Variants in AHI1 observed in about 807,000 individuals in gnomAD.
AHI1 encodes the protein Abelson helper integration site 1, also known as jouberin.
Under a neutral mutation model 149.3 loss-of-function variants are expected in AHI1, and 123 were observed. The ratio of observed to expected loss-of-function variants is 0.82; its 90% CI spans 0.71 to 0.96. The LOEUF is 0.96. AHI1 is among the 40% of genes least tolerant of loss of function. AHI1 has a pLI of 0.00. For missense variants in AHI1, 1,439 were observed against 1,422.7 expected (o/e 1.01, Z -0.18); for synonymous variants, 475 against 459.8 (o/e 1.03, Z -0.42).
Position 135,394,778 on chromosome 6 carries a change from GTC to G in AHI1, c.3105_3106del (p.Gln1035HisfsTer12), listed in dbSNP as rs1778992944. 1 of 1,610,190 alleles carries G rather than the reference GTC, an allele frequency of 6.2e-7. No individual in the cohort carries two copies. The highest frequency in any genetic ancestry group is 1.1e-5 in the South Asian group (1 of 90,336). ...GTCAAAGTAAGAAAGGGGCTCACCG[GTC>G]TGAGTGAAACCAAACTGATGTAGAA... On this transcript the variant is annotated frameshift_variant, in exon 23 of 29. Coordinates refer to ENST00000265602, the MANE Select transcript of AHI1 (RefSeq NM_001134831.2). LOFTEE classifies it high-confidence loss of function.
In AHI1 at chr6:135,471,957, A is replaced by C. The variant is rs890184968; in HGVS notation, c.136-4323T>G. Among the ~76,000 whole-genome samples the C allele has an allele frequency of 2.3e-5, 3 of 129,160 alleles. No individual in the cohort carries two copies. The Admixed American group carries it at 3.0e-4, about 13-fold the overall frequency. 84.7% of individuals were successfully genotyped at this position (129,160 alleles called of 152,430 possible). A position where few individuals can be genotyped will look rare whatever the true frequency, so the allele number is the denominator to read the frequency against. On this transcript the variant is annotated intron_variant, in intron 5 of 28. Coordinates refer to ENST00000265602, the MANE Select transcript of AHI1 (RefSeq NM_001134831.2). ...AACCTGGGAAGCGGAGCTTGCAGTG[A>C]GCCGAGATTGCGCCACTGCAGTCCG...
intron 24 of AHI1, among the ~76,000 whole-genome samples, chr6:135,325,437 AT>A (rs1414052918): frequency 6.6e-6 from 1 of 152,198 alleles, no homozygotes; most frequent in Non-Finnish European, 1.5e-5. Context: ...TGGTACTATC[AT>A]AGGAGAGGAA....
intron 27 of AHI1, 112 bp from the exon 28 acceptor site, chr6:135,290,637 TG>T (rs1782229538): frequency 1.0e-6 from 1 of 978,300 alleles, no homozygotes; most frequent in Non-Finnish European, 1.6e-6. Context: ...TGGGGATAAA[TG>T]TGAGGATATG....
At chr6:135,465,783 G>A in intron 7 of AHI1, 31 bp downstream of exon 7, 1 of 1,426,420 alleles carries the variant, frequency 7.0e-7, no homozygotes, top group Non-Finnish European at 9.2e-7. Context: ...TTTTCTAAGA[G>A]GATATTTTAC....
In AHI1 at chr6:135,438,421, T is replaced by C. The variant is rs1369272441; in HGVS notation, c.1990A>G (p.Lys664Glu). The C allele has an allele frequency of 4.5e-6, 7 of 1,571,430 alleles. No individual in the cohort carries two copies. The highest frequency in any genetic ancestry group is 1.2e-5 in the South Asian group (1 of 85,138). Residue 664 changes from lysine (K) to glutamate (E), a missense_variant, in exon 15 of 29, where the codon AAA (lysine) becomes GAA (glutamate). Physicochemically the swap from Lys to Glu is moderately conservative, Grantham distance 56. Transcript: ENST00000265602. ...GAAGTAAGGATGTAGTGATCATCTTTTGACCAGGAAAGATCATAAATGATA... is the reference window on the plus strand; with the variant it reads ...GAAGTAAGGATGTAGTGATCATCTTCTGACCAGGAAAGATCATAAATGATA... ...LNIIYDLSWSKDDHYILTSSS... is the reference protein window; with the variant it reads ...LNIIYDLSWSEDDHYILTSSS...
intron 5 of AHI1, among the ~76,000 whole-genome samples, chr6:135,489,389 C>G (rs1263602681): frequency 6.6e-6 from 1 of 152,108 alleles, no homozygotes; most frequent in Admixed American, 6.5e-5. Context: ...GCATTTTGTT[C>G]ATGGCTCACA....
chr6:135,319,000 G>A (rs767101712), intron 25 of AHI1, among the ~76,000 whole-genome samples: 17 of 152,180 alleles, frequency 1.1e-4, no homozygotes, highest in Non-Finnish European at 2.2e-4. Context: ...TCATTAGCAA[G>A]GAGCTTACAG....
At chr6:135,359,176 A>G (rs1793461486) in intron 23 of AHI1, among the ~76,000 whole-genome samples, 1 of 152,232 alleles carries the variant, frequency 6.6e-6, no homozygotes, top group Non-Finnish European at 1.5e-5. Context: ...GAGTATTTTC[A>G]AAATGAATCA....
At chr6:135,361,034 C>T (rs1793781478) in intron 23 of AHI1, among the ~76,000 whole-genome samples, 1 of 152,038 alleles carries the variant, frequency 6.6e-6, no homozygotes, top group Non-Finnish European at 1.5e-5. Flanking sequence ...TCCTCTTTTT[C>T]TATATTCTTT....
chr6:135,297,191 C>T lies in AHI1; in HGVS notation c.3485+3309G>A, dbSNP rs1053500860. On this transcript the variant is annotated intron_variant, in intron 27 of 28. Coordinates refer to ENST00000265602, the MANE Select transcript of AHI1 (RefSeq NM_001134831.2). Reference sequence around the variant, plus strand: ...GCTGGGCAAATACAGCAAGACATGTCTCCTGGCCCCACCTTCCAATCATCA... The same window carrying T: ...GCTGGGCAAATACAGCAAGACATGTTTCCTGGCCCCACCTTCCAATCATCA... Among the ~76,000 whole-genome samples the T allele has an allele frequency of 1.1e-4, 17 of 152,264 alleles. 1 individual carries two copies. The highest frequency in any genetic ancestry group is 6.2e-4 in the South Asian group (3 of 4,820).
chr6:135,293,406 G>GAAAAAAAAAAAAAAAAAA (rs71547029), intron 27 of AHI1, among the ~76,000 whole-genome samples: 28 of 65,544 alleles, frequency 4.3e-4, no homozygotes, highest in Non-Finnish European at 5.1e-4. Flanking sequence ...AAAAAAAAAA[G>GAAAAAAAAAAAAAAAAAA]AAAAAAAAAA....
At chr6:135,494,318 T>C (rs1213734707) in intron 3 of AHI1, among the ~76,000 whole-genome samples, 2 of 152,210 alleles carry the variant, frequency 1.3e-5, no homozygotes, top group African/African-American at 4.8e-5. Context: ...CAACAATAAA[T>C]GTTAGCTATA....
intron 4 of AHI1, among the ~76,000 whole-genome samples, chr6:135,491,253 T>C (rs1223500066): frequency 3.3e-5 from 5 of 152,184 alleles, no homozygotes; most frequent in African/African-American, 1.2e-4. Flanking sequence ...ACATTTAGGA[T>C]AAAATAAGTC....
Position 135,463,244 on chromosome 6 carries a change from G to A in AHI1, c.812C>T (p.Ser271Leu), listed in dbSNP as rs778992650. The part of the protein sequence containing the change: ...GEQKKESSVR[S>L]VSSDSHQDDE... ...ATCTTGATGAGAATCTGAAGAAACTGATCTAACTGAAGATTCTTTCTTTTG... is the reference window on the plus strand; with the variant it reads ...ATCTTGATGAGAATCTGAAGAAACTAATCTAACTGAAGATTCTTTCTTTTG... Residue 271 changes from serine to leucine, a missense_variant, in exon 8 of 29, where the codon TCA becomes TTA. Coordinates refer to ENST00000265602, the MANE Select transcript of AHI1 (RefSeq NM_001134831.2). 1 of 1,610,028 alleles carries A rather than the reference G, an allele frequency of 6.2e-7. No individual in the cohort carries two copies. Among genetic ancestry groups the A allele is most frequent in the Admixed American group, 1.7e-5 (1 of 59,762 alleles).
chr6:135,374,394 G>A (rs1246037863), intron 23 of AHI1, among the ~76,000 whole-genome samples: 1 of 152,010 alleles, frequency 6.6e-6, no homozygotes, highest in Non-Finnish European at 1.5e-5. Context: ...TTACAGGCGT[G>A]AGCCACCGCG....
At chr6:135,404,896 T>C (rs1780534975) in intron 22 of AHI1, 55 bp downstream of exon 22, 2 of 1,525,968 alleles carry the variant, frequency 1.3e-6, no homozygotes, top group Non-Finnish European at 1.8e-6. Context: ...ATTCCAGTTC[T>C]TTGGAGCATC....
intron 23 of AHI1, among the ~76,000 whole-genome samples, chr6:135,362,049 G>C (rs1793974655): frequency 6.6e-6 from 1 of 151,962 alleles, no homozygotes; most frequent in Non-Finnish European, 1.5e-5. Context: ...ATTCTATCCA[G>C]GTTGCTGTGA....
intron 23 of AHI1, among the ~76,000 whole-genome samples, chr6:135,378,969 T>C (rs1776316865): frequency 6.6e-6 from 1 of 152,150 alleles, no homozygotes; most frequent in Non-Finnish European, 1.5e-5. Context: ...GCTTATCTCA[T>C]TAACTCCCAT....
chr6:135,422,619 TTATG>T (rs71006761), intron 20 of AHI1, among the ~76,000 whole-genome samples: 79,179 of 147,610 alleles, frequency 0.54, 21,377 homozygotes, highest in Middle Eastern at 0.59. Flanking sequence ...AGTTTTATTT[TTATG>T]TATGTATGTA....
Sources: gnomAD v4.1 joint callset for allele counts (sites outside exome capture counted in the v4.1 genomes callset) on GRCh38, gnomAD v4.1.1 for gene constraint, MANE v1.5 for transcripts, NCBI Gene and HGNC (gene_info 2026-07-23, HGNC 2026-07-21) for gene names.